The following TBC1D22A variants were observed in gnomAD, a reference collection of about 807,000 sequenced individuals.
The protein encoded by TBC1D22A is putative GTPase activator.
In TBC1D22A, 38 loss-of-function variants were observed where a neutral mutation model predicts 60.2. That is an observed-to-expected ratio of 0.63 (90% CI 0.49 to 0.83). The LOEUF (loss-of-function observed/expected upper bound fraction) is 0.83. TBC1D22A is among the 40% of genes least tolerant of loss of function. TBC1D22A has a pLI of 0.00. For synonymous variants in TBC1D22A, 302 were observed against 281.7 expected, an observed-to-expected ratio of 1.07 and a Z score of -0.72; for missense variants, 628 against 701.0, an observed-to-expected ratio of 0.90 and a Z score of 1.18.
At chr22:46,936,632 A>G (rs2147918783) in intron 8 of TBC1D22A, among the ~76,000 whole-genome samples, 1 of 152,360 alleles carries the variant, frequency 6.6e-6, no homozygotes, top group East Asian at 1.9e-4. Flanking sequence ...GATTCTGGAC[A>G]AGGGCTGTCA....
At chr22:46,944,548 G>A (rs529084542) in intron 8 of TBC1D22A, among the ~76,000 whole-genome samples, 59 of 152,134 alleles carry the variant, frequency 3.9e-4, no homozygotes, top group African/African-American at 8.4e-4. Flanking sequence ...ACAGGCGCCC[G>A]CCACCATGCC....
intron 8 of TBC1D22A, among the ~76,000 whole-genome samples, chr22:46,964,522 C>T (rs1602696176): frequency 6.6e-6 from 1 of 152,042 alleles, no homozygotes; most frequent in East Asian, 1.9e-4. Context: ...TAAATTTTTT[C>T]AAGCAGAAGT....
chr22:46,782,343 G>A (rs1036450930), intron 1 of TBC1D22A, among the ~76,000 whole-genome samples: 3 of 152,164 alleles, frequency 2.0e-5, no homozygotes, highest in African/African-American at 7.2e-5. Context: ...CTGAGCCACC[G>A]TGCCCAGCCG....
chr22:46,933,237 A>G (rs2071455257), intron 8 of TBC1D22A, among the ~76,000 whole-genome samples: 1 of 152,160 alleles, frequency 6.6e-6, no homozygotes. Context: ...CTCCAAATAA[A>G]CAAAAGTTAA....
At chr22:46,868,227 A>AATGATGATGAT (rs1555917190) in intron 4 of TBC1D22A, among the ~76,000 whole-genome samples, 1 of 152,178 alleles carries the variant, frequency 6.6e-6, no homozygotes, top group Non-Finnish European at 1.5e-5. Context: ...TAGAGTCAGG[A>AATGATGATGAT]ATGATGATGA....
intron 11 of TBC1D22A, among the ~76,000 whole-genome samples, chr22:47,055,812 G>A (rs531365028): frequency 9.2e-5 from 14 of 151,958 alleles, no homozygotes; most frequent in African/African-American, 2.7e-4. Context: ...TGTGATCCCT[G>A]CCTACATTCA....
chr22:47,167,575 G>A (rs1377066388), intron 12 of TBC1D22A, among the ~76,000 whole-genome samples: 6 of 152,208 alleles, frequency 3.9e-5, no homozygotes, highest in African/African-American at 1.4e-4. Flanking sequence ...GAGGAATAAG[G>A]TACGTGGACG....
intron 11 of TBC1D22A, among the ~76,000 whole-genome samples, chr22:47,043,384 C>T (rs952204010): frequency 6.6e-5 from 10 of 152,160 alleles, no homozygotes; most frequent in Non-Finnish European, 1.0e-4. Flanking sequence ...CGGCTGTCCC[C>T]GGGCTTGCTG....
chr22:47,073,906 T>C (rs2064105480), intron 11 of TBC1D22A, among the ~76,000 whole-genome samples: 1 of 152,132 alleles, frequency 6.6e-6, no homozygotes, highest in Non-Finnish European at 1.5e-5. Context: ...GGAGGGCAGA[T>C]CACTTGAGTC....
At chr22:46,778,699 A>T (rs1320221811) in intron 1 of TBC1D22A, among the ~76,000 whole-genome samples, 1 of 152,060 alleles carries the variant, frequency 6.6e-6, no homozygotes, top group Non-Finnish European at 1.5e-5. Context: ...CTTTTATTGT[A>T]TTTTGTTTTT....
At chr22:47,146,568 C>T (rs1394641988) in intron 12 of TBC1D22A, among the ~76,000 whole-genome samples, 3 of 152,248 alleles carry the variant, frequency 2.0e-5, no homozygotes, top group South Asian at 2.1e-4. Context: ...CAGCCGGCAC[C>T]GATGCCGCTC....
intron 11 of TBC1D22A, among the ~76,000 whole-genome samples, chr22:47,095,518 C>T (rs1383728811): frequency 2.0e-5 from 3 of 152,188 alleles, no homozygotes; most frequent in Admixed American, 6.5e-5. Context: ...TAATCTTAGT[C>T]ATTTTGAACT....
chr22:46,793,882 C>G (rs1207517338), intron 3 of TBC1D22A, 41 bp downstream of exon 3: 5 of 1,488,312 alleles, frequency 3.4e-6, no homozygotes, highest in Non-Finnish European at 4.5e-6. Flanking sequence ...GGTTTCTGGC[C>G]AAGCTAAGAA....
chr22:46,937,440 C>A (rs1431333160), intron 8 of TBC1D22A, among the ~76,000 whole-genome samples: 1 of 152,184 alleles, frequency 6.6e-6, no homozygotes, highest in Non-Finnish European at 1.5e-5. Context: ...CGTGTTTGTG[C>A]TGATGCTGGT....
intron 9 of TBC1D22A, among the ~76,000 whole-genome samples, chr22:46,985,586 G>A (rs1326693884): frequency 1.3e-5 from 2 of 152,218 alleles, no homozygotes; most frequent in South Asian, 2.1e-4. Context: ...TTGCCTGAAT[G>A]AATAGTTGAT....
intron 7 of TBC1D22A, among the ~76,000 whole-genome samples, chr22:46,903,656 C>T (rs1006857445): frequency 1.1e-4 from 17 of 152,284 alleles, no homozygotes; most frequent in Non-Finnish European, 2.1e-4. Context: ...CCAGGTCTTC[C>T]CCCTGCCTGC....
intron 11 of TBC1D22A, among the ~76,000 whole-genome samples, chr22:47,075,778 CT>C (rs2064180267): frequency 1.3e-5 from 2 of 151,992 alleles, no homozygotes; most frequent in African/African-American, 4.8e-5. Flanking sequence ...TAAAATCCAA[CT>C]ATGTGGTATT....
At chr22:46,913,984 GTCCCCATCCTTCCTGCA>G (rs1392520334) in intron 8 of TBC1D22A, 5 of 160,196 alleles carry the variant, frequency 3.1e-5, no homozygotes, top group African/African-American at 1.2e-4. Flanking sequence ...GCCTTCCTGC[GTCCCCATCCTTCCTGCA>G]TCGCCGTCAC....
At chr22:46,792,642 T>TCTTCCTGCTTCCTTCCTGCTTC (rs562200605) in intron 2 of TBC1D22A, 66 bp downstream of exon 2, 1 of 1,613,494 alleles carries the variant, frequency 6.2e-7, no homozygotes, top group African/African-American at 1.3e-5. Flanking sequence ...GCAACCCCGG[T>TCTTCCTGCTTCCTTCCTGCTTC]CTTCCTGCTT....
Sources: allele counts gnomAD v4.1 joint callset (sites outside exome capture counted in the v4.1 genomes callset), GRCh38; gene constraint gnomAD v4.1.1; transcripts MANE v1.5; gene names NCBI Gene and HGNC (gene_info 2026-07-23, HGNC 2026-07-21).